The following DMD variants were observed in gnomAD, a reference collection of about 807,000 sequenced individuals.
The protein encoded by DMD is dystrophin.
In DMD, 63 loss-of-function variants were observed where a neutral mutation model predicts 330.1. That is an observed-to-expected ratio of 0.19 (90% confidence interval 0.16 to 0.24). The LOEUF (loss-of-function observed/expected upper bound fraction) is 0.24, where lower values mean the gene tolerates loss of function less well. Among genes scored for constraint, DMD ranks in the 10% least tolerant of loss-of-function variants. DMD has a pLI of 1.00. For synonymous variants in DMD, 1,223 were observed against 959.8 expected (o/e 1.27, Z -5.07); for missense variants, 3,344 against 2,684.1 (o/e 1.25, Z -5.43).
intron 1 of DMD, among the ~76,000 whole-genome samples, chrX:33,095,274 C>A (rs2095142162): frequency 8.9e-6 from 1 of 112,562 alleles, no homozygotes; most frequent in African/African-American, 3.2e-5. Flanking sequence ...TCCATTACTT[C>A]TGCCAAATCA....
intron 27 of DMD, among the ~76,000 whole-genome samples, chrX:32,444,767 A>G (rs966196700): frequency 7.2e-5 from 8 of 110,830 alleles, no homozygotes; most frequent in Admixed American, 9.6e-5. Flanking sequence ...TTGAATAGTT[A>G]GGCAATTCTT....
chrX:32,095,311 A>G (rs2096498019), intron 44 of DMD, among the ~76,000 whole-genome samples: 2 of 112,139 alleles, frequency 1.8e-5, no homozygotes, highest in Non-Finnish European at 3.8e-5. Flanking sequence ...CTCGTTATCC[A>G]TAGTTTCAAG....
intron 57 of DMD, among the ~76,000 whole-genome samples, chrX:31,488,102 G>A (rs1036012845): frequency 3.6e-5 from 4 of 111,548 alleles, no homozygotes; most frequent in Non-Finnish European, 5.6e-5. Context: ...AGTTTACTGC[G>A]CACACAGCAT....
intron 44 of DMD, among the ~76,000 whole-genome samples, chrX:32,192,184 A>G (rs1288363026): frequency 9.0e-6 from 1 of 111,604 alleles, no homozygotes; most frequent in Non-Finnish European, 1.9e-5. Flanking sequence ...CCTTCACTCT[A>G]TGAGGGAGGT....
intron 21 of DMD, among the ~76,000 whole-genome samples, chrX:32,480,015 T>G (rs759930212): frequency 9.0e-6 from 1 of 111,008 alleles, no homozygotes; most frequent in African/African-American, 3.3e-5. Context: ...AAATATCTGG[T>G]AAGGAGTTAA....
chrX:32,512,767 G>C (rs1043085281), intron 18 of DMD, among the ~76,000 whole-genome samples: 1 of 112,273 alleles, frequency 8.9e-6, no homozygotes, highest in Non-Finnish European at 1.9e-5. Flanking sequence ...TGCAACGAGA[G>C]AGACAGCGCA....
intron 7 of DMD, among the ~76,000 whole-genome samples, chrX:32,798,712 GTA>G (rs2076343604): frequency 9.0e-6 from 1 of 111,539 alleles, no homozygotes; most frequent in African/African-American, 3.3e-5. Flanking sequence ...TTGAAATACC[GTA>G]TATAGAGAAG....
intron 1 of DMD, among the ~76,000 whole-genome samples, chrX:33,025,703 TCAC>T (rs2093983771): frequency 9.1e-6 from 1 of 110,469 alleles, no homozygotes; most frequent in African/African-American, 3.3e-5. Context: ...TAGGCACACA[TCAC>T]CACATCTGTC....
intron 41 of DMD, among the ~76,000 whole-genome samples, chrX:32,317,829 G>C (rs952313000): frequency 2.5e-5 from 2 of 81,601 alleles, no homozygotes. Flanking sequence ...CAGTAAAATA[G>C]TGATGGAGCC....
intron 50 of DMD, among the ~76,000 whole-genome samples, chrX:31,809,423 T>C (rs1476858360): frequency 9.1e-6 from 1 of 109,389 alleles, no homozygotes; most frequent in Admixed American, 1.0e-4. Flanking sequence ...GAAGTAGGAA[T>C]TGAAAGTAGT....
At chrX:31,791,425 T>C (rs953909278) in intron 50 of DMD, among the ~76,000 whole-genome samples, 3 of 111,863 alleles carry the variant, frequency 2.7e-5, no homozygotes, top group African/African-American at 9.7e-5. Flanking sequence ...CATTCACCTT[T>C]ACATATCTGT....
At chrX:32,729,054 C>A (rs774512770) in intron 7 of DMD, among the ~76,000 whole-genome samples, 3 of 112,075 alleles carry the variant, frequency 2.7e-5, no homozygotes, top group African/African-American at 6.5e-5. Flanking sequence ...AGCAAACGGG[C>A]AACACGTGTA....
intron 48 of DMD, among the ~76,000 whole-genome samples, chrX:31,848,426 G>A (rs1461826330): frequency 9.0e-6 from 1 of 111,704 alleles, no homozygotes; most frequent in Non-Finnish European, 1.9e-5. Context: ...GCTTGTGTAA[G>A]GAGAAAGTGT....
intron 2 of DMD, among the ~76,000 whole-genome samples, chrX:32,852,058 G>A (rs895129600): frequency 8.9e-6 from 1 of 111,785 alleles, no homozygotes; most frequent in African/African-American, 3.3e-5. Context: ...ACACAACCCA[G>A]TAAGACACCA....
chrX:31,675,729 A>G (rs2148712480), intron 53 of DMD, among the ~76,000 whole-genome samples: 1 of 111,948 alleles, frequency 8.9e-6, no homozygotes, highest in Non-Finnish European at 1.9e-5. Flanking sequence ...GGACATAAAG[A>G]TGGAAATTAA....
At chrX:31,307,598 CA>C (rs5901977) in intron 62 of DMD, among the ~76,000 whole-genome samples, 15,279 of 109,747 alleles carry the variant, frequency 0.14, 896 homozygotes, top group Non-Finnish European at 0.18. Context: ...TTCTCCCTAC[CA>C]AAAAAACCCC....
intron 2 of DMD, among the ~76,000 whole-genome samples, chrX:32,873,610 G>C (rs1252454999): frequency 9.0e-6 from 1 of 111,458 alleles, no homozygotes; most frequent in Non-Finnish European, 1.9e-5. Context: ...TATTCTCTAA[G>C]GATACTCTCA....
intron 55 of DMD, among the ~76,000 whole-genome samples, chrX:31,559,886 A>C (rs1347051613): frequency 9.0e-6 from 1 of 111,245 alleles, no homozygotes; most frequent in Non-Finnish European, 1.9e-5. Context: ...TGAAAACTCC[A>C]AGAAATAGTG....
intron 43 of DMD, among the ~76,000 whole-genome samples, chrX:32,274,830 T>A (rs1192320010): frequency 8.9e-6 from 1 of 112,179 alleles, no homozygotes; most frequent in Admixed American, 9.5e-5. Flanking sequence ...CATTGATAAT[T>A]GGTTTGTTGT....
Sources: gnomAD v4.1 joint callset for allele counts (sites outside exome capture counted in the v4.1 genomes callset) on GRCh38, gnomAD v4.1.1 for gene constraint, MANE v1.5 for transcripts, NCBI Gene and HGNC (gene_info 2026-07-23, HGNC 2026-07-21) for gene names.